NIM1K: variants seen among roughly 807,000 people sequenced by gnomAD.
The protein encoded by NIM1K is serine/threonine-protein kinase NIM1.
Under a neutral mutation model 37.1 loss-of-function variants are expected in NIM1K, and 35 were observed. The ratio of observed to expected loss-of-function variants is 0.94; its 90% CI spans 0.72 to 1.25. NIM1K has a LOEUF of 1.25. Among genes scored for constraint, NIM1K ranks in the 50% most tolerant of loss-of-function variants. The probability of loss-of-function intolerance (pLI) is 0.00; values close to 1 mark genes in which losing one functional copy is unlikely to be tolerated. For missense variants in NIM1K, 564 were observed against 548.0 expected (o/e 1.03, Z -0.29); for synonymous variants, 234 against 206.6 (o/e 1.13, Z -1.14).
At chr5:43,246,496 G>C (rs912537384) in intron 2 of NIM1K, among the ~76,000 whole-genome samples, 2 of 151,416 alleles carry the variant, frequency 1.3e-5, no homozygotes, top group African/African-American at 4.8e-5. Context: ...CATATTTATA[G>C]TTTCCATTTA....
At chr5:43,243,372 T>G (rs1752731938) in intron 1 of NIM1K, among the ~76,000 whole-genome samples, 1 of 152,212 alleles carries the variant, frequency 6.6e-6, no homozygotes, top group African/African-American at 2.4e-5. Context: ...TAGTGCCACT[T>G]GACCTTCACA....
At chr5:43,198,199 CTTTCTTTCTCTTTCTTTCTTTCTTTCTT>C (rs1561069935) in intron 1 of NIM1K, among the ~76,000 whole-genome samples, 62 of 51,306 alleles carry the variant, frequency 1.2e-3, no homozygotes, top group Non-Finnish European at 1.9e-3. Context: ...TTCTTTCTTT[CTTTCTTTCTCTTTCTTTCTTTCTTTCTT>C]TCTTTCTTTC....
chr5:43,232,368 G>A lies in NIM1K; in HGVS notation c.-694-12714G>A, dbSNP rs1281568680. The A allele has an allele frequency of 4.4e-6, 6 of 1,366,326 alleles. No individual in the cohort carries two copies. In the East Asian group the frequency reaches 1.4e-4, roughly 32 times the overall value. The allele number at this position is 1,366,326 out of a possible 1,614,324, so 84.6% of individuals were successfully genotyped here. A position where few individuals can be genotyped will look rare whatever the true frequency, so the allele number is the denominator to read the frequency against. ...AGAGATGACAGGGCATATGTGTCCA[G>A]ACGGAAGTGGATGGGGGGATAGGCC... On this transcript the variant is annotated intron_variant, in intron 1 of 3. Transcript: ENST00000326035.
chr5:43,243,739 G>A (rs969494315), intron 1 of NIM1K, among the ~76,000 whole-genome samples: 1 of 152,182 alleles, frequency 6.6e-6, no homozygotes, highest in South Asian at 2.1e-4. Flanking sequence ...ACAGTGGCTT[G>A]ATCTCAGCTC....
rs986438289 is a variant in NIM1K at position 43,255,973 on chromosome 5, G to C, written c.292+9906G>C. Among the ~76,000 whole-genome samples, 3 of 151,876 alleles carry C rather than the reference G, an allele frequency of 2.0e-5. No homozygotes were observed. The East Asian group carries it at 5.8e-4, about 29-fold the overall frequency. On this transcript the variant is annotated intron_variant, in intron 2 of 3. Coordinates refer to ENST00000326035, the MANE Select transcript of NIM1K (RefSeq NM_153361.4). ...AGATGCCTGCAGTACTCTTGAAACA[G>C]CTGAGGGGAAAGGGCAGAGAGTAAC...
intron 1 of NIM1K, among the ~76,000 whole-genome samples, chr5:43,235,906 C>T (rs1752614385): frequency 6.6e-6 from 1 of 151,366 alleles, no homozygotes; most frequent in South Asian, 2.1e-4. Flanking sequence ...AAATGGCCAA[C>T]CTGGAGGCCA....
intron 1 of NIM1K, among the ~76,000 whole-genome samples, chr5:43,237,778 A>G (rs1461904556): frequency 1.3e-5 from 2 of 152,074 alleles, no homozygotes; most frequent in Non-Finnish European, 2.9e-5. Context: ...TTTCTTTTAG[A>G]TTTTTTCCTT....
chr5:43,224,055 T>TC (rs1752419079), intron 1 of NIM1K, among the ~76,000 whole-genome samples: 1 of 151,294 alleles, frequency 6.6e-6, no homozygotes, highest in South Asian at 2.1e-4. Context: ...CACTTTTTTT[T>TC]TGTCTTTTTG....
chr5:43,213,215 TTC>T (rs1491086756), intron 1 of NIM1K, among the ~76,000 whole-genome samples: 15 of 59,668 alleles, frequency 2.5e-4, no homozygotes, highest in Admixed American at 1.4e-4. Flanking sequence ...CTTTCTTTCT[TTC>T]TTTCTTTCCT....
chr5:43,219,442 T>C (rs1176781362), intron 1 of NIM1K, among the ~76,000 whole-genome samples: 1 of 152,150 alleles, frequency 6.6e-6, no homozygotes, highest in African/African-American at 2.4e-5. Context: ...TGTCTCACTA[T>C]GGTGCACAGG....
At chr5:43,276,465 A>G (rs894322753) in intron 2 of NIM1K, among the ~76,000 whole-genome samples, 1 of 152,276 alleles carries the variant, frequency 6.6e-6, no homozygotes, top group Non-Finnish European at 1.5e-5. Context: ...ATGAGACATC[A>G]GCCTCCATGA....
intron 2 of NIM1K, among the ~76,000 whole-genome samples, chr5:43,257,329 A>G (rs1022182910): frequency 6.6e-6 from 1 of 150,734 alleles, no homozygotes; most frequent in African/African-American, 2.4e-5. Context: ...AAGAGAGGAT[A>G]ATGAGGGGAG....
rs1366981553 is a variant in NIM1K at position 43,227,309 on chromosome 5, G to A, written c.-694-17773G>A. Among the ~76,000 whole-genome samples, 5 of 152,188 alleles carry A rather than the reference G, an allele frequency of 3.3e-5. No homozygotes were observed. In the South Asian group the frequency reaches 1.0e-3, roughly 32 times the overall value. The stretch of plus-strand genomic sequence containing the variant: ...TGGGAGGCAGAGGTTGCGGTGAGCC[G>A]AGATTGCGCCATTGCACTCCAGCCT... On this transcript the variant is annotated intron_variant, in intron 1 of 3. Coordinates refer to ENST00000326035, the MANE Select transcript of NIM1K (RefSeq NM_153361.4).
intron 1 of NIM1K, among the ~76,000 whole-genome samples, chr5:43,220,539 C>A (rs951065577): frequency 6.6e-6 from 1 of 152,142 alleles, no homozygotes; most frequent in Admixed American, 6.5e-5. Flanking sequence ...CCTTGGCCTT[C>A]CAAAGTGCTG....
intron 1 of NIM1K, among the ~76,000 whole-genome samples, chr5:43,218,070 G>A (rs1561076741): frequency 6.6e-6 from 1 of 151,638 alleles, no homozygotes; most frequent in Non-Finnish European, 1.5e-5. Flanking sequence ...GGAGTGCAGT[G>A]GCTCCATCTG....
chr5:43,253,669 T>A (rs1282944490), intron 2 of NIM1K, among the ~76,000 whole-genome samples: 1 of 151,996 alleles, frequency 6.6e-6, no homozygotes, highest in Non-Finnish European at 1.5e-5. Context: ...AAGAGTTTTT[T>A]TTTTTTTTGA....
intron 1 of NIM1K, among the ~76,000 whole-genome samples, chr5:43,220,761 A>G (rs1050891436): frequency 6.6e-6 from 1 of 152,126 alleles, no homozygotes; most frequent in African/African-American, 2.4e-5. Flanking sequence ...TTCCTTTGTT[A>G]TGCCATTATT....
In NIM1K at chr5:43,280,832, C is replaced by G; in HGVS notation, c.*103C>G. On this transcript the variant is annotated 3_prime_UTR_variant, in exon 4 of 4. Transcript: ENST00000326035. ...GACATTTTTGTAATTTTTAAATAAA[C>G]TTAAATTTGAGATATGCATTTTTTT... 1 of 1,157,234 alleles carries G rather than the reference C, an allele frequency of 8.6e-7. No homozygotes were observed. Among genetic ancestry groups the G allele is most frequent in the Admixed American group, 2.5e-5 (1 of 39,278 alleles). The allele number at this position is 1,157,234 out of a possible 1,614,324, so 71.7% of individuals were successfully genotyped here.
intron 2 of NIM1K, among the ~76,000 whole-genome samples, chr5:43,276,707 G>T (rs112402561): frequency 4.1e-4 from 62 of 152,340 alleles, no homozygotes; most frequent in African/African-American, 1.4e-3. Flanking sequence ...AGGGTGCATG[G>T]GGCATTGGGG....
Sources: gnomAD v4.1 joint callset for allele counts (sites outside exome capture counted in the v4.1 genomes callset) on GRCh38, gnomAD v4.1.1 for gene constraint, MANE v1.5 for transcripts, NCBI Gene and HGNC (gene_info 2026-07-23, HGNC 2026-07-21) for gene names.